The following ADGRB3 variants were observed in gnomAD, a reference collection of about 807,000 sequenced individuals.
The protein encoded by ADGRB3 is adhesion G protein-coupled receptor B3.
Under a neutral mutation model 193.4 loss-of-function variants are expected in ADGRB3, and 37 were observed. That is an observed-to-expected ratio of 0.19 (90% CI 0.15 to 0.25). The LOEUF (loss-of-function observed/expected upper bound fraction) is 0.25. Among genes scored for constraint, ADGRB3 ranks in the 10% least tolerant of loss-of-function variants. ADGRB3 has a pLI of 1.00. For missense variants in ADGRB3, 1,637 were observed against 1,852.9 expected, an observed-to-expected ratio of 0.88 and a Z score of 2.14; for synonymous variants, 690 against 644.2, an observed-to-expected ratio of 1.07 and a Z score of -1.08.
chr6:69,341,315 G>A (rs1175467486), intron 26 of ADGRB3, among the ~76,000 whole-genome samples: 1 of 152,068 alleles, frequency 6.6e-6, no homozygotes, highest in Non-Finnish European at 1.5e-5. Context: ...TTTCTAACTG[G>A]CATGAGATGG....
chr6:69,296,149 A>C (rs1248240489), intron 20 of ADGRB3, among the ~76,000 whole-genome samples: 2 of 152,158 alleles, frequency 1.3e-5, no homozygotes, highest in Non-Finnish European at 2.9e-5. Flanking sequence ...GGAACCTTTT[A>C]TCATAATAGC....
At chr6:68,973,145 T>G (rs1323184164) in intron 8 of ADGRB3, among the ~76,000 whole-genome samples, 1 of 152,190 alleles carries the variant, frequency 6.6e-6, no homozygotes, top group Non-Finnish European at 1.5e-5. Context: ...CTTAAACAAT[T>G]CAAGGTCATG....
chr6:69,331,661 G>A, intron 23 of ADGRB3: 1 of 985,288 alleles, frequency 1.0e-6, no homozygotes. Context: ...TTTTTTGTCT[G>A]CTGCTTTGAA....
At chr6:68,685,750 G>A (rs1242537288) in intron 3 of ADGRB3, among the ~76,000 whole-genome samples, 3 of 151,866 alleles carry the variant, frequency 2.0e-5, no homozygotes, top group South Asian at 2.1e-4. Flanking sequence ...AAAATTAGCC[G>A]GGCATGGTGG....
intron 9 of ADGRB3, 39 bp downstream of exon 9, chr6:68,974,903 C>A: frequency 6.5e-7 from 1 of 1,531,144 alleles, no homozygotes; most frequent in South Asian, 1.1e-5. Context: ...AGTGATAATC[C>A]CCATCCAAGA....
intron 26 of ADGRB3, among the ~76,000 whole-genome samples, chr6:69,344,813 C>A (rs1419876869): frequency 6.6e-6 from 1 of 151,954 alleles, no homozygotes; most frequent in African/African-American, 2.4e-5. Flanking sequence ...CCTAAGGGAA[C>A]AATGAGGTTG....
intron 4 of ADGRB3, among the ~76,000 whole-genome samples, chr6:68,935,511 A>C (rs1232395668): frequency 6.6e-6 from 1 of 152,210 alleles, no homozygotes; most frequent in African/African-American, 2.4e-5. Flanking sequence ...CAGTGATACA[A>C]AGTTTTCAGA....
intron 3 of ADGRB3, among the ~76,000 whole-genome samples, chr6:68,800,488 A>G (rs1421574963): frequency 2.0e-5 from 3 of 152,134 alleles, no homozygotes; most frequent in Non-Finnish European, 4.4e-5. Flanking sequence ...AGACTAGAGG[A>G]AGACATAAGA....
At chr6:68,685,151 T>C (rs1764960328) in intron 3 of ADGRB3, among the ~76,000 whole-genome samples, 1 of 152,154 alleles carries the variant, frequency 6.6e-6, no homozygotes, top group Non-Finnish European at 1.5e-5. Context: ...AATCAACTTA[T>C]TCATGTTTTA....
At chr6:69,139,865 A>C (rs1380060299) in intron 17 of ADGRB3, among the ~76,000 whole-genome samples, 2 of 152,220 alleles carry the variant, frequency 1.3e-5, no homozygotes, top group Non-Finnish European at 2.9e-5. Context: ...ATAAGTAAGA[A>C]TATTTTTCTA....
chr6:68,697,434 A>G (rs1486891490), intron 3 of ADGRB3, among the ~76,000 whole-genome samples: 1 of 151,966 alleles, frequency 6.6e-6, no homozygotes, highest in African/African-American at 2.4e-5. Flanking sequence ...TCTTTTAAAA[A>G]AAATACATGG....
intron 20 of ADGRB3, among the ~76,000 whole-genome samples, chr6:69,324,039 T>C (rs1220115190): frequency 6.6e-6 from 1 of 152,134 alleles, no homozygotes; most frequent in Non-Finnish European, 1.5e-5. Context: ...TATAAAGACT[T>C]GCATTTCAAC....
intron 31 of ADGRB3, among the ~76,000 whole-genome samples, chr6:69,384,892 A>G (rs981873532): frequency 3.3e-5 from 5 of 152,024 alleles, no homozygotes; most frequent in African/African-American, 1.2e-4. Flanking sequence ...TTATTAATGA[A>G]AAATTGCATA....
intron 3 of ADGRB3, among the ~76,000 whole-genome samples, chr6:68,902,623 A>C (rs1766427636): frequency 6.6e-6 from 1 of 152,104 alleles, no homozygotes; most frequent in Non-Finnish European, 1.5e-5. Context: ...TGATATTGAA[A>C]AAGGCCATAA....
chr6:69,297,580 G>C (rs2127295262), intron 20 of ADGRB3, among the ~76,000 whole-genome samples: 2 of 151,944 alleles, frequency 1.3e-5, no homozygotes, highest in South Asian at 4.2e-4. Context: ...AGGAATATTG[G>C]TTGTCAAAGG....
intron 13 of ADGRB3, among the ~76,000 whole-genome samples, chr6:69,039,904 G>C (rs1770979098): frequency 6.6e-6 from 1 of 151,832 alleles, no homozygotes; most frequent in South Asian, 2.1e-4. Context: ...ACCACACCCA[G>C]CTAATTTTTG....
chr6:68,916,109 TTTAAAG>T (rs1375794334), intron 3 of ADGRB3, among the ~76,000 whole-genome samples: 1 of 152,026 alleles, frequency 6.6e-6, no homozygotes, highest in East Asian at 1.9e-4. Context: ...AGGAGATATG[TTTAAAG>T]TTACTTTCCT....
intron 11 of ADGRB3, among the ~76,000 whole-genome samples, chr6:69,013,174 C>G (rs1769986227): frequency 6.6e-6 from 1 of 152,068 alleles, no homozygotes; most frequent in African/African-American, 2.4e-5. Context: ...AGAAAAGTCT[C>G]TCTCTGGTAA....
chr6:69,041,502 A>C (rs1771070565), intron 13 of ADGRB3, among the ~76,000 whole-genome samples: 1 of 152,198 alleles, frequency 6.6e-6, no homozygotes, highest in African/African-American at 2.4e-5. Flanking sequence ...TTTGCTGTCA[A>C]TTTGATACAT....
Sources: gnomAD v4.1 joint callset for allele counts (sites outside exome capture counted in the v4.1 genomes callset) on GRCh38, gnomAD v4.1.1 for gene constraint, MANE v1.5 for transcripts, NCBI Gene and HGNC (gene_info 2026-07-23, HGNC 2026-07-21) for gene names.